The following MRPS18A variants were observed in gnomAD, a reference collection of about 807,000 sequenced individuals.
MRPS18A encodes the protein large ribosomal subunit protein mL66.
A neutral mutation model predicts 22.7 loss-of-function variants in MRPS18A; 20 were observed. That is an observed-to-expected ratio of 0.88 (90% CI 0.62 to 1.28). The LOEUF is 1.28. Among genes scored for constraint, MRPS18A ranks in the 50% most tolerant of loss-of-function variants. The pLI, the probability that MRPS18A is intolerant of heterozygous loss-of-function variation, is 0.00. For synonymous variants in MRPS18A, 106 were observed against 99.1 expected (o/e 1.07, Z -0.41); for missense variants, 294 against 262.6 (o/e 1.12, Z -0.83).
At chr6:43,676,942 C>T (rs1774088562) in intron 3 of MRPS18A, among the ~76,000 whole-genome samples, 5 of 152,222 alleles carry the variant, frequency 3.3e-5, no homozygotes, top group Admixed American at 3.3e-4. Context: ...GGCCCCAGCC[C>T]TCCACCCTAG....
At chr6:43,676,640 G>C (rs968664976) in intron 3 of MRPS18A, among the ~76,000 whole-genome samples, 2 of 152,166 alleles carry the variant, frequency 1.3e-5, no homozygotes, top group African/African-American at 4.8e-5. Context: ...CCAGGAGTTC[G>C]AGACCAGCCT....
chr6:43,681,047 A>G (rs1194552000), intron 2 of MRPS18A, 42 bp downstream of exon 2: 3 of 1,605,046 alleles, frequency 1.9e-6, no homozygotes, highest in South Asian at 1.1e-5. Flanking sequence ...GGCAGCTCCA[A>G]GCGTTAAAGA....
intron 2 of MRPS18A, among the ~76,000 whole-genome samples, chr6:43,680,123 G>A (rs991376889): frequency 3.3e-5 from 5 of 152,116 alleles, no homozygotes; most frequent in African/African-American, 7.2e-5. Flanking sequence ...TGCCCCACAT[G>A]AAAAACACTC....
chr6:43,671,962 G>A, intron 5 of MRPS18A, 56 bp from the exon 6 acceptor site: 1 of 1,512,014 alleles, frequency 6.6e-7, no homozygotes, highest in Non-Finnish European at 8.9e-7. Context: ...AGCTGGACGT[G>A]GGAGAGTGGA....
Position 43,673,176 on chromosome 6 carries a change from C to T in MRPS18A, c.447-1270G>A, listed in dbSNP as rs1052474987. ...CTAATTTTTGTATTTTTAGTAGAGA[C>T]GTGGTTTCCTCATGTTGGCCAGGCT... On this transcript the variant is annotated intron_variant, in intron 5 of 5. Coordinates refer to ENST00000372133, the MANE Select transcript of MRPS18A (RefSeq NM_018135.4). The surrounding 1 kb of genome is among the most constrained non-coding windows in gnomAD (Gnocchi z 4.2). 2.6e-5 allele frequency among the ~76,000 whole-genome samples: 4 copies of T among 151,978 alleles called. No homozygotes were observed. The highest frequency in any genetic ancestry group is 4.4e-5 in the Non-Finnish European group (3 of 67,994).
At chr6:43,680,948 G>A in intron 2 of MRPS18A, 141 bp downstream of exon 2, 5 of 720,300 alleles carry the variant, frequency 6.9e-6, no homozygotes, top group Non-Finnish European at 1.2e-5. Context: ...TTGAAAAATA[G>A]TAGGCTGTGG....
In MRPS18A at chr6:43,671,439, C is replaced by T. The variant is rs1465342438; in HGVS notation, c.*323G>A. On this transcript the variant is annotated 3_prime_UTR_variant, in exon 6 of 6. Coordinates refer to ENST00000372133, the MANE Select transcript of MRPS18A (RefSeq NM_018135.4). ...CCCCCTGCACTTCCCAAGCAGTGAG[C>T]GCACACCCAATGGGTAAGCCCATGA... 6.8e-6 allele frequency: 3 copies of T among 439,004 alleles called. No individual in the cohort carries two copies. The highest frequency in any genetic ancestry group is 3.8e-5 in the Admixed American group (1 of 26,094). 27.2% of individuals were successfully genotyped at this position (439,004 alleles called of 1,614,324 possible). A position where few individuals can be genotyped will look rare whatever the true frequency, so the allele number is the denominator to read the frequency against.
rs1435177089 is a variant in MRPS18A, at chr6:43,671,335, GAATTC to G, written c.*422_*426del. On this transcript the variant is annotated 3_prime_UTR_variant, in exon 6 of 6. Coordinates refer to ENST00000372133, the MANE Select transcript of MRPS18A (RefSeq NM_018135.4). ...AGAGGATGGGACCTGTTTGGCCCATGAATTCAATTGACTCATTGGCCCCATCACAA... is the reference window on the plus strand; with the variant it reads ...AGAGGATGGGACCTGTTTGGCCCATGAATTGACTCATTGGCCCCATCACAA... 2.5e-6 allele frequency: 1 copy of G among 407,098 alleles called. No homozygotes were observed. The highest frequency in any genetic ancestry group is 4.5e-6 in the Non-Finnish European group (1 of 221,208). The allele number at this position is 407,098 out of a possible 1,614,324, so 25.2% of individuals were successfully genotyped here.
intron 1 of MRPS18A, among the ~76,000 whole-genome samples, chr6:43,681,793 C>T (rs1380056829): frequency 6.6e-6 from 1 of 152,200 alleles, no homozygotes; most frequent in African/African-American, 2.4e-5. Context: ...ACTGCCATTC[C>T]AAACAGAGAG....
chr6:43,671,972 A>C, intron 5 of MRPS18A, 66 bp from the exon 6 acceptor site: 2 of 1,488,198 alleles, frequency 1.3e-6, no homozygotes, highest in Non-Finnish European at 1.8e-6. Flanking sequence ...GGGAGAGTGG[A>C]GCACTACCTC....
At chr6:43,677,058 A>T (rs548101539) in intron 3 of MRPS18A, among the ~76,000 whole-genome samples, 2 of 152,296 alleles carry the variant, frequency 1.3e-5, no homozygotes, top group African/African-American at 4.8e-5. Flanking sequence ...CCGGGATTAG[A>T]TTTCTTCTGC....
In MRPS18A at chr6:43,678,507, C is replaced by G; in HGVS notation, c.252+11G>C. Reference sequence around the variant, plus strand: ...ACACACAGAACCGAGTGTCTCTGTACCCAGACTCACGTCATAGTTATACTT... The same window carrying G: ...ACACACAGAACCGAGTGTCTCTGTAGCCAGACTCACGTCATAGTTATACTT... On this transcript the variant is annotated intron_variant, in intron 3 of 5. Coordinates refer to ENST00000372133, the MANE Select transcript of MRPS18A (RefSeq NM_018135.4). The G allele has an allele frequency of 1.3e-6, 2 of 1,590,800 alleles. No homozygotes were observed. Among genetic ancestry groups the G allele is most frequent in the Non-Finnish European group, 1.7e-6 (2 of 1,159,102 alleles).
chr6:43,678,625 T>G lies in MRPS18A; in HGVS notation c.145A>C (p.Ile49Leu). 4 of 1,610,108 alleles carry G rather than the reference T, an allele frequency of 2.5e-6. No individual in the cohort carries two copies. Among genetic ancestry groups the G allele is most frequent in the Non-Finnish European group, 2.5e-6 (3 of 1,176,496 alleles). Residue 49 changes from isoleucine to leucine, a missense_variant and splice_region_variant, in exon 3 of 6, where the codon ATT becomes CTT. Physicochemically the swap from Ile to Leu is conservative, Grantham distance 5 (BLOSUM62 2). Coordinates refer to ENST00000372133, the MANE Select transcript of MRPS18A (RefSeq NM_018135.4). ...GGAGTCGCTGTGATACGGCCTTCAA[T>G]CTAGGAGACAGAGAAAGTGAGCCAG... ...VETQEGKTTIIEGRITATPKE... is the reference protein window; with the variant it reads ...VETQEGKTTILEGRITATPKE...
chr6:43,671,752 C>T lies in MRPS18A; in HGVS notation c.*10G>A. The T allele has an allele frequency of 1.2e-6, 2 of 1,614,222 alleles. No individual in the cohort carries two copies. The highest frequency in any genetic ancestry group is 1.7e-6 in the Non-Finnish European group (2 of 1,180,034). ...AGGTGCAGGAGGAACTCTGGAAGCACTGCTCTCTGTCAGTGATACAGCTTC... is the reference window on the plus strand; with the variant it reads ...AGGTGCAGGAGGAACTCTGGAAGCATTGCTCTCTGTCAGTGATACAGCTTC... On this transcript the variant is annotated 3_prime_UTR_variant, in exon 6 of 6. Coordinates refer to ENST00000372133, the MANE Select transcript of MRPS18A (RefSeq NM_018135.4).
chr6:43,674,006 T>C (rs1773909724), intron 5 of MRPS18A, among the ~76,000 whole-genome samples: 1 of 152,190 alleles, frequency 6.6e-6, no homozygotes, highest in Non-Finnish European at 1.5e-5. Flanking sequence ...AACCCCCAAA[T>C]GGTCCATAGC....
At position 43,681,124 on chromosome 6, in the gene MRPS18A, C is replaced by T. The variant is rs139205420; in HGVS notation, c.113-4G>A. ...TTCCCTTCTTGGGTCTCCACCACTA[C>T]GGAGATAAAGGGGGAAACATTAGGT... On this transcript the variant is annotated splice_polypyrimidine_tract_variant and splice_region_variant and intron_variant, in intron 1 of 5. Transcript: ENST00000372133. The T allele has an allele frequency of 1.1e-4, 175 of 1,612,962 alleles. 2 individuals carry two copies. In the East Asian group the frequency reaches 2.9e-3, roughly 27 times the overall value.
chr6:43,678,341 T>G, intron 3 of MRPS18A, 177 bp downstream of exon 3: 1 of 536,868 alleles, frequency 1.9e-6, no homozygotes, highest in Non-Finnish European at 3.4e-6. Flanking sequence ...TTTTAAAAGC[T>G]CCCCAGGTGA....
At chr6:43,685,153 C>T (rs561112949) in intron 1 of MRPS18A, among the ~76,000 whole-genome samples, 41 of 152,144 alleles carry the variant, frequency 2.7e-4, no homozygotes, top group Non-Finnish European at 4.4e-4. Context: ...CCCCTTGGAA[C>T]GGCATTTCCT....
At chr6:43,687,024 T>C (rs1774742570) in intron 1 of MRPS18A, among the ~76,000 whole-genome samples, 1 of 152,228 alleles carries the variant, frequency 6.6e-6, no homozygotes, top group African/African-American at 2.4e-5. Context: ...GTATTTTCTG[T>C]CTCCAGAATT....
Sources: allele counts gnomAD v4.1 joint callset (sites outside exome capture counted in the v4.1 genomes callset), GRCh38; gene constraint gnomAD v4.1.1; non-coding constraint Gnocchi (gnomAD v3.1); transcripts MANE v1.5; gene names NCBI Gene and HGNC (gene_info 2026-07-23, HGNC 2026-07-21).